DLG2: variants seen among roughly 807,000 people sequenced by gnomAD.
The protein encoded by DLG2 is disks large homolog 2.
Under a neutral mutation model 132.5 loss-of-function variants are expected in DLG2, and 45 were observed. The observed-to-expected ratio is 0.34, with a 90% confidence interval of 0.27 to 0.44. The LOEUF is 0.44. Among genes scored for constraint, DLG2 ranks in the 20% least tolerant of loss-of-function variants. The probability of loss-of-function intolerance (pLI) is 1.00; values close to 1 mark genes in which losing one functional copy is unlikely to be tolerated. For synonymous variants in DLG2, 424 were observed against 419.6 expected, an observed-to-expected ratio of 1.01 and a Z score of -0.13; for missense variants, 1,045 against 1,196.9, an observed-to-expected ratio of 0.87 and a Z score of 1.87.
intron 6 of DLG2, among the ~76,000 whole-genome samples, chr11:84,633,463 T>G (rs767372173): frequency 1.3e-5 from 2 of 152,114 alleles, no homozygotes; most frequent in African/African-American, 4.8e-5. Flanking sequence ...TACTCATTCA[T>G]TGAGAATCAA....
intron 2 of DLG2, among the ~76,000 whole-genome samples, chr11:85,601,169 T>C (rs542374838): frequency 7.2e-4 from 110 of 152,186 alleles, no homozygotes; most frequent in African/African-American, 2.6e-3. Flanking sequence ...TTTAGTTAAG[T>C]TTATGTGTAA....
At chr11:85,209,355 G>T (rs901473116) in intron 4 of DLG2, among the ~76,000 whole-genome samples, 1 of 149,906 alleles carries the variant, frequency 6.7e-6, no homozygotes, top group African/African-American at 2.4e-5. Context: ...GTACAAGAAG[G>T]CATCAAAGAC....
intron 4 of DLG2, among the ~76,000 whole-genome samples, chr11:85,225,558 T>A (rs1463434232): frequency 1.3e-5 from 2 of 152,142 alleles, no homozygotes; most frequent in Non-Finnish European, 2.9e-5. Context: ...GGTCCCAGTT[T>A]CTTTTGTACT....
At chr11:84,580,383 G>T (rs149678147) in intron 6 of DLG2, among the ~76,000 whole-genome samples, 107 of 152,320 alleles carry the variant, frequency 7.0e-4, no homozygotes, top group African/African-American at 2.5e-3. Flanking sequence ...TGTACTTACA[G>T]TCTTAGTCTC....
At chr11:84,989,853 G>A (rs2056893061) in intron 6 of DLG2, among the ~76,000 whole-genome samples, 1 of 152,024 alleles carries the variant, frequency 6.6e-6, no homozygotes, top group African/African-American at 2.4e-5. Context: ...TTTGACAAAG[G>A]TAAAAAACGA....
intron 17 of DLG2, chr11:83,791,493 T>G: frequency 1.5e-6 from 1 of 672,966 alleles, no homozygotes; most frequent in South Asian, 1.4e-5. Context: ...TAGCGATGGT[T>G]GTTGTACTAC....
rs114395127 is a variant in DLG2 at position 84,450,733 on chromosome 11, T to C, written c.519+83837A>G. Among the ~76,000 whole-genome samples, 616 of 151,960 alleles carry C rather than the reference T, an allele frequency of 4.1e-3. 8 individuals are homozygous for C. Among genetic ancestry groups the C allele is most frequent in the African/African-American group, 0.014 (596 of 41,524 alleles). ...TAGTAAAATACACTCCTTTTCACAA[T>C]GTTTATCATGTTGACAATAATCTAT... On this transcript the variant is annotated intron_variant, in intron 7 of 27. Coordinates refer to ENST00000376104, the MANE Select transcript of DLG2 (RefSeq NM_001142699.3).
intron 6 of DLG2, among the ~76,000 whole-genome samples, chr11:84,882,155 C>A (rs1165223676): frequency 3.9e-5 from 6 of 151,932 alleles, no homozygotes; most frequent in Non-Finnish European, 8.8e-5. Flanking sequence ...AGACAGTACA[C>A]CTTCTTTAAG....
intron 3 of DLG2, among the ~76,000 whole-genome samples, chr11:85,399,134 T>C (rs887173405): frequency 4.0e-5 from 6 of 151,846 alleles, no homozygotes; most frequent in East Asian, 1.9e-4. Flanking sequence ...TATACACCAA[T>C]AACAGACAAA....
chr11:84,066,511 G>A (rs887527551), intron 10 of DLG2, among the ~76,000 whole-genome samples: 3 of 152,222 alleles, frequency 2.0e-5, no homozygotes, highest in African/African-American at 7.2e-5. Context: ...TATAATCCCA[G>A]CACTTCGGGA....
chr11:83,555,837 AT>A (rs1464222323), intron 19 of DLG2, among the ~76,000 whole-genome samples: 8 of 152,188 alleles, frequency 5.3e-5, no homozygotes, highest in African/African-American at 1.9e-4. Context: ...CTCTTCTTTT[AT>A]TGATATCATG....
chr11:85,159,187 T>C (rs1026222335), intron 4 of DLG2, among the ~76,000 whole-genome samples: 4 of 152,158 alleles, frequency 2.6e-5, no homozygotes, highest in East Asian at 1.9e-4. Flanking sequence ...CAAAAGGTCA[T>C]TGTGGTCCTC....
chr11:84,655,812 T>C (rs1312939483), intron 6 of DLG2, among the ~76,000 whole-genome samples: 1 of 151,818 alleles, frequency 6.6e-6, no homozygotes, highest in Non-Finnish European at 1.5e-5. Flanking sequence ...CAGGAAACTA[T>C]GCAAATGTTA....
At chr11:85,285,712 AAGTC>A (rs1417468364) in intron 3 of DLG2, among the ~76,000 whole-genome samples, 4 of 152,046 alleles carry the variant, frequency 2.6e-5, no homozygotes, top group Admixed American at 2.0e-4. Context: ...TAAGTGAAAG[AAGTC>A]AGTCTGGAAA....
At chr11:84,828,085 G>C (rs2078567377) in intron 6 of DLG2, among the ~76,000 whole-genome samples, 1 of 151,280 alleles carries the variant, frequency 6.6e-6, no homozygotes, top group African/African-American at 2.4e-5. Flanking sequence ...GGAAACGTTT[G>C]TAAAATTGAA....
intron 6 of DLG2, among the ~76,000 whole-genome samples, chr11:85,094,013 A>C (rs1192355128): frequency 1.3e-5 from 2 of 152,264 alleles, no homozygotes; most frequent in African/African-American, 2.4e-5. Flanking sequence ...TCCTGCATAC[A>C]ACTGAAAATT....
chr11:84,131,214 T>G (rs1017869175), intron 9 of DLG2, among the ~76,000 whole-genome samples: 3 of 151,910 alleles, frequency 2.0e-5, no homozygotes, highest in Non-Finnish European at 4.4e-5. Flanking sequence ...TGTTGAAGAA[T>G]GGAGAAACAG....
intron 6 of DLG2, among the ~76,000 whole-genome samples, chr11:84,644,722 G>T (rs1341302618): frequency 7.2e-6 from 1 of 139,290 alleles, no homozygotes; most frequent in African/African-American, 2.6e-5. Flanking sequence ...AAAAAAAAAA[G>T]ATGTCTTATG....
At chr11:83,802,386 T>C (rs1382204331) in intron 17 of DLG2, among the ~76,000 whole-genome samples, 1 of 152,136 alleles carries the variant, frequency 6.6e-6, no homozygotes, top group Non-Finnish European at 1.5e-5. Context: ...GTGTGTGTGC[T>C]GCTAGGCTGA....
Sources: allele counts gnomAD v4.1 joint callset (sites outside exome capture counted in the v4.1 genomes callset), GRCh38; gene constraint gnomAD v4.1.1; transcripts MANE v1.5; gene names NCBI Gene and HGNC (gene_info 2026-07-23, HGNC 2026-07-21).